ANKRD30BL: variants seen among roughly 807,000 people sequenced by gnomAD.
ANKRD30BL encodes putative ankyrin repeat domain-containing protein 30B-like.
Under a neutral mutation model 18.4 loss-of-function variants are expected in ANKRD30BL, and 20 were observed. That is an observed-to-expected ratio of 1.09 (90% CI 0.77 to 1.58). The LOEUF (loss-of-function observed/expected upper bound fraction) is 1.58. Ranked by LOEUF, ANKRD30BL falls within the 40% of genes most tolerant of loss-of-function variation. The pLI, the probability that ANKRD30BL is intolerant of heterozygous loss-of-function variation, is 0.00. For synonymous variants in ANKRD30BL, 72 were observed against 100.9 expected, an observed-to-expected ratio of 0.71 and a Z score of 1.72; for missense variants, 224 against 268.6, an observed-to-expected ratio of 0.83 and a Z score of 1.16.
At chr2:132,153,868 G>T (rs1558911311) in intron 4 of ANKRD30BL, among the ~76,000 whole-genome samples, 1 of 152,178 alleles carries the variant, frequency 6.6e-6, no homozygotes, top group Non-Finnish European at 1.5e-5. Flanking sequence ...AAAGACTCAT[G>T]TCTCACTGGG....
rs112264471 is a variant in ANKRD30BL, at chr2:132,200,503, A to G, written n.442-43357T>C. On this transcript the variant is annotated intron_variant and non_coding_transcript_variant, in intron 1 of 4. Transcript: ENST00000470729. ...CAAGCATTCTTATACACCAACAACA[A>G]ACAAACAGAGAGCCAAATCATGAGT... is the stretch of plus-strand genomic sequence containing the variant. Among the ~76,000 whole-genome samples the G allele has an allele frequency of 1.6e-3, 239 of 151,898 alleles. 1 individual carries two copies. The highest frequency in any genetic ancestry group is 5.4e-3 in the African/African-American group (223 of 41,344).
chr2:132,209,902 T>C (rs1179956694), intron 1 of ANKRD30BL, among the ~76,000 whole-genome samples: 2 of 152,054 alleles, frequency 1.3e-5, no homozygotes, highest in Non-Finnish European at 2.9e-5. Context: ...TTCTTTGTGA[T>C]GTGTGCATTC....
At chr2:132,221,615 G>A (rs544548487) in intron 1 of ANKRD30BL, among the ~76,000 whole-genome samples, 198 of 126,798 alleles carry the variant, frequency 1.6e-3, no homozygotes, top group Non-Finnish European at 2.5e-3. Context: ...CCCCCCGCCC[G>A]GCCAGCCGCC....
intron 4 of ANKRD30BL, chr2:132,153,790 G>A (rs1687830055): frequency 1.9e-6 from 1 of 517,240 alleles, no homozygotes; most frequent in East Asian, 5.9e-5. Flanking sequence ...ATTAACAAAC[G>A]TTAAGTATCT....
At chr2:132,235,352 A>G (rs980791652) in intron 1 of ANKRD30BL, among the ~76,000 whole-genome samples, 2 of 152,322 alleles carry the variant, frequency 1.3e-5, no homozygotes, top group Middle Eastern at 3.4e-3. Flanking sequence ...ACTAGGCAGG[A>G]GAAGGAAATA....
chr2:132,209,634 G>A (rs575515098), intron 1 of ANKRD30BL, among the ~76,000 whole-genome samples: 4 of 152,148 alleles, frequency 2.6e-5, no homozygotes, highest in Admixed American at 6.6e-5. Context: ...TGAAGGATCT[G>A]CATGTGGATA....
chr2:132,210,620 TTTGA>T (rs1679321136), intron 1 of ANKRD30BL, among the ~76,000 whole-genome samples: 1 of 151,760 alleles, frequency 6.6e-6, no homozygotes, highest in African/African-American at 2.4e-5. Flanking sequence ...GAAACTTTCT[TTTGA>T]TTGAGCAGAT....
At chr2:132,178,397 G>A (rs549092805) in intron 1 of ANKRD30BL, among the ~76,000 whole-genome samples, 5 of 152,216 alleles carry the variant, frequency 3.3e-5, no homozygotes, top group Admixed American at 2.6e-4. Flanking sequence ...AATGTTATGG[G>A]GCATGGTAGG....
intron 1 of ANKRD30BL, among the ~76,000 whole-genome samples, chr2:132,237,055 C>T (rs1224403744): frequency 6.6e-6 from 1 of 151,442 alleles, no homozygotes; most frequent in South Asian, 2.1e-4. Context: ...TATTCTCACT[C>T]ATAGGTGGGA....
At chr2:132,234,311 G>T (rs1028804166) in intron 1 of ANKRD30BL, among the ~76,000 whole-genome samples, 11 of 152,000 alleles carry the variant, frequency 7.2e-5, no homozygotes, top group Non-Finnish European at 1.5e-4. Context: ...TCAAAAGCTA[G>T]CAGAAGGCAA....
At chr2:132,236,134 A>G (rs13401443) in intron 1 of ANKRD30BL, among the ~76,000 whole-genome samples, 3,509 of 152,202 alleles carry the variant, frequency 0.023, 124 homozygotes, top group African/African-American at 0.081. Flanking sequence ...CTGGCTAGCC[A>G]TATGTAGAAA....
At chr2:132,168,901 A>C in intron 1 of ANKRD30BL, among the ~76,000 whole-genome samples, 1 of 29,552 alleles carries the variant, frequency 3.4e-5, no homozygotes, top group East Asian at 9.4e-4. Flanking sequence ...GAAAAATAAG[A>C]AAAAAAAACA....
intron 1 of ANKRD30BL, among the ~76,000 whole-genome samples, chr2:132,170,398 C>T (rs1688256945): frequency 6.6e-6 from 1 of 152,200 alleles, no homozygotes. Flanking sequence ...GAATCCCAGC[C>T]TCCGTCCTGG....
At chr2:132,243,944 T>C (rs749519039) in intron 1 of ANKRD30BL, among the ~76,000 whole-genome samples, 4,840 of 120,282 alleles carry the variant, frequency 0.04, no homozygotes, top group African/African-American at 0.057. Flanking sequence ...AAGAAACTTC[T>C]TTGTGATGTG....
At chr2:132,220,738 C>A (rs1679651697) in intron 1 of ANKRD30BL, among the ~76,000 whole-genome samples, 1 of 152,028 alleles carries the variant, frequency 6.6e-6, no homozygotes, top group Admixed American at 6.6e-5. Context: ...CAGCCGCCTG[C>A]CTTGACCTCC....
At chr2:132,173,774 A>T (rs1465680868) in intron 1 of ANKRD30BL, among the ~76,000 whole-genome samples, 1 of 152,250 alleles carries the variant, frequency 6.6e-6, no homozygotes, top group East Asian at 1.9e-4. Flanking sequence ...GAGTTTTATT[A>T]TTAAGCTCAT....
intron 1 of ANKRD30BL, among the ~76,000 whole-genome samples, chr2:132,238,672 T>C (rs1213666331): frequency 6.6e-6 from 1 of 152,108 alleles, no homozygotes; most frequent in Non-Finnish European, 1.5e-5. Flanking sequence ...ATGTGTGTAC[T>C]CAACTCACAG....
intron 1 of ANKRD30BL, among the ~76,000 whole-genome samples, chr2:132,205,605 AAAAAAAAAGAAAAAAGAAAAAAAG>A (rs1679196764): frequency 2.0e-5 from 3 of 151,612 alleles, no homozygotes; most frequent in African/African-American, 7.2e-5. Context: ...TCGTCTCAAA[AAAAAAAAAGAAAAAAGAAAAAAAG>A]AAAAAAAAGA....
intron 1 of ANKRD30BL, among the ~76,000 whole-genome samples, chr2:132,199,854 A>C (rs1298850891): frequency 1.3e-5 from 2 of 152,148 alleles, no homozygotes; most frequent in Non-Finnish European, 1.5e-5. Flanking sequence ...GTAGAGACAC[A>C]ACCAAAAAAG....
Sources: allele counts gnomAD v4.1 joint callset (sites outside exome capture counted in the v4.1 genomes callset), GRCh38; gene constraint gnomAD v4.1.1; transcripts MANE v1.5; gene names NCBI Gene and HGNC (gene_info 2026-07-23, HGNC 2026-07-21).